ECHDC1: variants seen among roughly 807,000 people sequenced by gnomAD.
The protein encoded by ECHDC1 is ethylmalonyl-CoA decarboxylase.
Under a neutral mutation model 29.7 loss-of-function variants are expected in ECHDC1, and 29 were observed. The observed-to-expected ratio is 0.98, with a 90% confidence interval of 0.73 to 1.33. The LOEUF (loss-of-function observed/expected upper bound fraction) is 1.33, where lower values mean the gene tolerates loss of function less well. Ranked by LOEUF, ECHDC1 falls within the 40% of genes most tolerant of loss-of-function variation. The pLI is 0.00. For synonymous variants in ECHDC1, 126 were observed against 123.1 expected (o/e 1.02, Z -0.15); for missense variants, 328 against 350.0 (o/e 0.94, Z 0.50).
rs936886807 is a variant in ECHDC1, at chr6:127,339,704, C to T, written c.-3+3632G>A. 7.5e-5 allele frequency among the ~76,000 whole-genome samples: 11 copies of T among 147,312 alleles called. No homozygotes were observed. In the East Asian group the frequency reaches 9.9e-4, roughly 13 times the overall value. On this transcript the variant is annotated intron_variant, in intron 1 of 5. Transcript: ENST00000454859. ...AGGAGAATAACTTGAACCCAGGAAA[C>T]GGAAATTGCAGTGAGCCAAGATCAC...
chr6:127,316,547 TATTAC>T (rs1475801506), intron 3 of ECHDC1, 45 bp from the exon 4 acceptor site: 2 of 1,484,174 alleles, frequency 1.3e-6, no homozygotes, highest in East Asian at 2.3e-5. Context: ...AATGCAAATA[TATTAC>T]ATTAAATTTT....
At position 127,288,929 on chromosome 6, in the gene ECHDC1, A is replaced by G. The variant is rs1446048576; in HGVS notation, c.*940T>C. On this transcript the variant is annotated 3_prime_UTR_variant, in exon 6 of 6. Transcript: ENST00000454859. ...TGTGAATTGAATGTTACAGTAGCAA[A>G]TACTTTTGACCTCTTGTGATGAGTC... 1 of 152,080 alleles carries G rather than the reference A, an allele frequency of 6.6e-6. No homozygotes were observed. The highest frequency in any genetic ancestry group is 1.5e-5 in the Non-Finnish European group (1 of 67,982). 9.4% of individuals were successfully genotyped at this position (152,080 alleles called of 1,614,324 possible). A position where few individuals can be genotyped will look rare whatever the true frequency, so the allele number is the denominator to read the frequency against.
chr6:127,320,236 C>T (rs1047474541), intron 3 of ECHDC1, among the ~76,000 whole-genome samples: 7 of 152,082 alleles, frequency 4.6e-5, no homozygotes, highest in African/African-American at 7.2e-5. Flanking sequence ...AGGTTGGTCT[C>T]GAACTCCTGA....
chr6:127,336,153 A>G (rs1784406165), intron 1 of ECHDC1, among the ~76,000 whole-genome samples: 1 of 152,160 alleles, frequency 6.6e-6, no homozygotes, highest in African/African-American at 2.4e-5. Flanking sequence ...TAAAGGCAGA[A>G]TGAAAGTTTA....
chr6:127,342,596 G>C (rs1345947240), intron 1 of ECHDC1: 1 of 493,558 alleles, frequency 2.0e-6, no homozygotes, highest in Non-Finnish European at 3.6e-6. Flanking sequence ...GGAGCCCTTT[G>C]TTTTCCTTGC....
At chr6:127,316,314 C>T (rs1782370651) in intron 4 of ECHDC1, 136 bp downstream of exon 4, 3 of 686,936 alleles carry the variant, frequency 4.4e-6, no homozygotes, top group Non-Finnish European at 7.3e-6. Flanking sequence ...CTCTACGGCA[C>T]AAAAAAATAG....
chr6:127,322,210 G>A (rs939674841), intron 3 of ECHDC1, among the ~76,000 whole-genome samples: 1 of 152,178 alleles, frequency 6.6e-6, no homozygotes, highest in Non-Finnish European at 1.5e-5. Context: ...GGAGGCTGAA[G>A]CAGGAGAATC....
intron 5 of ECHDC1, among the ~76,000 whole-genome samples, chr6:127,297,277 A>T (rs562858957): frequency 6.6e-6 from 1 of 152,254 alleles, no homozygotes; most frequent in Non-Finnish European, 1.5e-5. Flanking sequence ...AAGATATGCC[A>T]TTAGTATTAC....
chr6:127,339,985 G>C (rs558819058), intron 1 of ECHDC1, among the ~76,000 whole-genome samples: 4 of 152,130 alleles, frequency 2.6e-5, no homozygotes, highest in Non-Finnish European at 4.4e-5. Flanking sequence ...CTCCTCTTCA[G>C]AAAGGGAAGG....
intron 2 of ECHDC1, 22 bp downstream of exon 2, chr6:127,330,787 G>A (rs771887795): frequency 6.3e-7 from 1 of 1,589,664 alleles, no homozygotes; most frequent in East Asian, 2.2e-5. Flanking sequence ...TCATTCTTTA[G>A]GAATAAAAAG....
chr6:127,326,873 A>T, intron 3 of ECHDC1, 129 bp downstream of exon 3: 1 of 1,149,812 alleles, frequency 8.7e-7, no homozygotes, highest in Non-Finnish European at 1.2e-6. Flanking sequence ...AAACAAAACA[A>T]ACCAAAAAAT....
chr6:127,328,488 A>G (rs928593413), intron 2 of ECHDC1, among the ~76,000 whole-genome samples: 3 of 152,208 alleles, frequency 2.0e-5, no homozygotes, highest in African/African-American at 7.2e-5. Flanking sequence ...TACACCCTAC[A>G]ATGTTCACAC....
intron 5 of ECHDC1, among the ~76,000 whole-genome samples, chr6:127,296,672 T>A (rs1487956710): frequency 2.6e-5 from 4 of 152,244 alleles, no homozygotes; most frequent in East Asian, 1.9e-4. Context: ...CCAAAAAAAA[T>A]TTTTTAATGG....
chr6:127,330,075 A>G (rs1783783940), intron 2 of ECHDC1, among the ~76,000 whole-genome samples: 1 of 152,232 alleles, frequency 6.6e-6, no homozygotes, highest in Non-Finnish European at 1.5e-5. Context: ...GCATAACTGA[A>G]AAGGAGAGAT....
chr6:127,305,967 A>C (rs1341990774), intron 5 of ECHDC1, among the ~76,000 whole-genome samples: 1 of 151,712 alleles, frequency 6.6e-6, no homozygotes, highest in African/African-American at 2.4e-5. Flanking sequence ...TATTGAATGT[A>C]CATGGACTAA....
intron 5 of ECHDC1, among the ~76,000 whole-genome samples, chr6:127,296,103 C>A (rs1162550394): frequency 6.6e-6 from 1 of 152,152 alleles, no homozygotes; most frequent in Non-Finnish European, 1.5e-5. Context: ...TTTTCTATAA[C>A]CTTGATATAT....
At chr6:127,323,396 G>A (rs1783012106) in intron 3 of ECHDC1, among the ~76,000 whole-genome samples, 1 of 151,800 alleles carries the variant, frequency 6.6e-6, no homozygotes, top group African/African-American at 2.4e-5. Flanking sequence ...AGTCTAGTGG[G>A]GTGCTACAAA....
chr6:127,300,820 C>A (rs1287257247), intron 5 of ECHDC1, among the ~76,000 whole-genome samples: 35 of 152,180 alleles, frequency 2.3e-4, no homozygotes. Flanking sequence ...CTGAGCCCAG[C>A]TAGACTTCAG....
At chr6:127,319,871 A>C (rs750161669) in intron 3 of ECHDC1, among the ~76,000 whole-genome samples, 1 of 152,242 alleles carries the variant, frequency 6.6e-6, no homozygotes, top group African/African-American at 2.4e-5. Flanking sequence ...AATGATTAAC[A>C]TCATATGTAC....
Sources: gnomAD v4.1 joint callset for allele counts (sites outside exome capture counted in the v4.1 genomes callset) on GRCh38, gnomAD v4.1.1 for gene constraint, MANE v1.5 for transcripts, NCBI Gene and HGNC (gene_info 2026-07-23, HGNC 2026-07-21) for gene names.